SGCZ: variants seen among roughly 807,000 people sequenced by gnomAD.
SGCZ encodes sarcoglycan zeta.
In SGCZ, 40 loss-of-function variants were observed where a neutral mutation model predicts 41.3. That is an observed-to-expected ratio of 0.97 (90% CI 0.75 to 1.26). The LOEUF is 1.26. Ranked by LOEUF, SGCZ falls within the 50% of genes most tolerant of loss-of-function variation. The pLI, the probability that SGCZ is intolerant of heterozygous loss-of-function variation, is 0.00. For missense variants in SGCZ, 552 were observed against 369.8 expected (o/e 1.49, Z -4.04); for synonymous variants, 206 against 137.5 (o/e 1.50, Z -3.49).
intron 1 of SGCZ, among the ~76,000 whole-genome samples, chr8:14,726,307 A>AATAC (rs1429821565): frequency 0.014 from 1,070 of 75,808 alleles, 16 homozygotes; most frequent in Non-Finnish European, 0.016. Flanking sequence ...TATATGTGTA[A>AATAC]ATACATATAT....
intron 2 of SGCZ, among the ~76,000 whole-genome samples, chr8:14,442,751 C>T (rs1033390153): frequency 1.3e-5 from 2 of 152,122 alleles, no homozygotes; most frequent in South Asian, 2.1e-4. Context: ...ATTGATTGAC[C>T]TTAGGTTTTG....
intron 2 of SGCZ, among the ~76,000 whole-genome samples, chr8:14,548,402 A>G (rs368995407): frequency 1.3e-5 from 2 of 152,312 alleles, no homozygotes; most frequent in Admixed American, 6.5e-5. Context: ...GCTATATAAC[A>G]TTTATGAATA....
chr8:14,825,012 A>G (rs1802250390), intron 1 of SGCZ, among the ~76,000 whole-genome samples: 1 of 152,112 alleles, frequency 6.6e-6, no homozygotes, highest in South Asian at 2.1e-4. Flanking sequence ...TCCCAAACTG[A>G]AAATACTGTT....
intron 1 of SGCZ, among the ~76,000 whole-genome samples, chr8:14,752,132 C>CA (rs56243371): frequency 0.2 from 22,964 of 117,396 alleles, 2,640 homozygotes; most frequent in South Asian, 0.29. Context: ...ACAAAAAAGC[C>CA]AAAAAAAAAA....
intron 2 of SGCZ, among the ~76,000 whole-genome samples, chr8:14,470,645 G>C (rs747116035): frequency 2.6e-5 from 4 of 152,044 alleles, no homozygotes; most frequent in Non-Finnish European, 5.9e-5. Flanking sequence ...ACACAATAAA[G>C]ACTAACTATA....
chr8:14,265,004 C>A (rs1000206559), intron 3 of SGCZ, among the ~76,000 whole-genome samples: 13 of 152,012 alleles, frequency 8.6e-5, no homozygotes, highest in African/African-American at 3.1e-4. Flanking sequence ...AACAAAAAAA[C>A]ACGCCAGATG....
At chr8:14,715,402 A>C (rs187709345) in intron 1 of SGCZ, among the ~76,000 whole-genome samples, 3 of 152,262 alleles carry the variant, frequency 2.0e-5, no homozygotes, top group Admixed American at 1.3e-4. Flanking sequence ...GCCTAAGCGA[A>C]GACTGTGGTA....
chr8:14,337,841 A>G (rs1267353727), intron 2 of SGCZ, among the ~76,000 whole-genome samples: 1 of 152,202 alleles, frequency 6.6e-6, no homozygotes, highest in African/African-American at 2.4e-5. Flanking sequence ...GCCCACTTTT[A>G]GCAATGGAGA....
chr8:15,095,445 G>T (rs922204257), intron 1 of SGCZ, among the ~76,000 whole-genome samples: 1 of 152,098 alleles, frequency 6.6e-6, no homozygotes, highest in East Asian at 1.9e-4. Context: ...CATTTCAGAT[G>T]CATAGTTTCT....
intron 1 of SGCZ, among the ~76,000 whole-genome samples, chr8:14,679,524 A>G (rs1342710222): frequency 6.6e-6 from 1 of 151,428 alleles, no homozygotes; most frequent in Non-Finnish European, 1.5e-5. Flanking sequence ...ATACACACAT[A>G]TATGTGCTTA....
intron 1 of SGCZ, among the ~76,000 whole-genome samples, chr8:14,929,932 A>G (rs76345788): frequency 2.0e-5 from 3 of 152,120 alleles, no homozygotes; most frequent in East Asian, 1.9e-4. Flanking sequence ...GAGTTTTTAC[A>G]TAACAGCATT....
At chr8:14,755,249 T>G (rs543298939) in intron 1 of SGCZ, among the ~76,000 whole-genome samples, 10 of 152,318 alleles carry the variant, frequency 6.6e-5, no homozygotes, top group Admixed American at 3.9e-4. Flanking sequence ...AAAACAGCAT[T>G]TGTTTGCTGT....
At chr8:14,708,437 T>C (rs561569789) in intron 1 of SGCZ, among the ~76,000 whole-genome samples, 27 of 152,060 alleles carry the variant, frequency 1.8e-4, no homozygotes, top group Middle Eastern at 3.4e-3. Context: ...ATGTTCTCTT[T>C]TTTTTTTTAA....
intron 3 of SGCZ, among the ~76,000 whole-genome samples, chr8:14,292,890 T>G (rs924308264): frequency 6.6e-6 from 1 of 152,064 alleles, no homozygotes; most frequent in Non-Finnish European, 1.5e-5. Context: ...TTATTTTTGC[T>G]ATTATTTTCT....
chr8:15,117,128 T>G (rs1807297639), intron 1 of SGCZ, among the ~76,000 whole-genome samples: 1 of 152,144 alleles, frequency 6.6e-6, no homozygotes, highest in Non-Finnish European at 1.5e-5. Context: ...TCCCAGCATT[T>G]TGGGAGGCCA....
intron 2 of SGCZ, among the ~76,000 whole-genome samples, chr8:14,352,331 G>T (rs1803130562): frequency 6.6e-6 from 1 of 152,008 alleles, no homozygotes; most frequent in Admixed American, 6.6e-5. Context: ...AAGGATGATA[G>T]CTTATATTAA....
intron 5 of SGCZ, among the ~76,000 whole-genome samples, chr8:14,127,507 A>G (rs1255596824): frequency 6.6e-6 from 1 of 151,988 alleles, no homozygotes; most frequent in Admixed American, 6.6e-5. Flanking sequence ...CCAGGCTGGA[A>G]TGCAGTGGCA....
intron 1 of SGCZ, among the ~76,000 whole-genome samples, chr8:14,916,854 A>AT (rs530180052): frequency 2.0e-5 from 3 of 152,094 alleles, no homozygotes; most frequent in African/African-American, 4.8e-5. Context: ...ACGCATAGTT[A>AT]TTTTTTAAAA....
intron 4 of SGCZ, among the ~76,000 whole-genome samples, chr8:14,233,841 G>T (rs182432514): frequency 1.2e-4 from 18 of 151,770 alleles, no homozygotes; most frequent in Middle Eastern, 3.4e-3. Flanking sequence ...TTTTGACCTG[G>T]AGAATGGTTC....
Sources: gnomAD v4.1 joint callset for allele counts (sites outside exome capture counted in the v4.1 genomes callset) on GRCh38, gnomAD v4.1.1 for gene constraint, MANE v1.5 for transcripts, NCBI Gene and HGNC (gene_info 2026-07-23, HGNC 2026-07-21) for gene names.